The following MARCHF1 variants were observed in gnomAD, a reference collection of about 807,000 sequenced individuals.
MARCHF1 encodes the protein E3 ubiquitin-protein ligase MARCHF1.
Under a neutral mutation model 54.2 loss-of-function variants are expected in MARCHF1, and 40 were observed. The ratio of observed to expected loss-of-function variants is 0.74; its 90% CI spans 0.57 to 0.96. The LOEUF (loss-of-function observed/expected upper bound fraction) is 0.96, where lower values mean the gene tolerates loss of function less well. MARCHF1 is among the 40% of genes least tolerant of loss of function. The pLI is 0.00. For missense variants in MARCHF1, 586 were observed against 656.5 expected, an observed-to-expected ratio of 0.89 and a Z score of 1.17; for synonymous variants, 236 against 236.3, an observed-to-expected ratio of 1.00 and a Z score of 0.01.
chr4:163,668,875 A>G (rs905666422), intron 5 of MARCHF1, among the ~76,000 whole-genome samples: 1 of 152,132 alleles, frequency 6.6e-6, no homozygotes, highest in Admixed American at 6.5e-5. Context: ...AGAAGTCATT[A>G]TTCTCCAGAG....
intron 1 of MARCHF1, chr4:164,188,794 A>G (rs949998207): frequency 2.3e-6 from 2 of 868,894 alleles, no homozygotes; most frequent in African/African-American, 1.6e-5. Context: ...AAACAAAGAC[A>G]TTTGCTCCTG....
intron 3 of MARCHF1, among the ~76,000 whole-genome samples, chr4:163,982,334 C>A (rs1752779731): frequency 6.6e-6 from 1 of 152,204 alleles, no homozygotes; most frequent in African/African-American, 2.4e-5. Context: ...GCTAAAAATG[C>A]ATTTCATTTG....
At chr4:163,891,187 T>C (rs968817432) in intron 3 of MARCHF1, among the ~76,000 whole-genome samples, 5 of 152,110 alleles carry the variant, frequency 3.3e-5, no homozygotes, top group Admixed American at 6.6e-5. Context: ...TGCTTTTATC[T>C]TGGTGGCATA....
At chr4:164,365,645 C>T (rs1045805056) in intron 1 of MARCHF1, among the ~76,000 whole-genome samples, 6 of 151,968 alleles carry the variant, frequency 3.9e-5, no homozygotes, top group African/African-American at 1.4e-4. Context: ...TAGATGTTAT[C>T]ATTCATACTT....
At chr4:164,278,602 A>G (rs1196316647) in intron 1 of MARCHF1, among the ~76,000 whole-genome samples, 4 of 152,232 alleles carry the variant, frequency 2.6e-5, no homozygotes, top group Non-Finnish European at 2.9e-5. Flanking sequence ...CTGTGTGAAT[A>G]TGTTTTTGTA....
chr4:164,047,994 G>T (rs550821446), intron 2 of MARCHF1, among the ~76,000 whole-genome samples: 1 of 152,168 alleles, frequency 6.6e-6, no homozygotes, highest in Non-Finnish European at 1.5e-5. Flanking sequence ...AATTCTCTCA[G>T]AAGTTTATGG....
chr4:164,097,847 T>C (rs78089538), intron 2 of MARCHF1, among the ~76,000 whole-genome samples: 1,572 of 152,278 alleles, frequency 0.01, 21 homozygotes, highest in African/African-American at 0.036. Context: ...TCCCTTTTAT[T>C]TGGAAGGCTA....
chr4:163,700,190 A>G (rs1286442452), intron 5 of MARCHF1, among the ~76,000 whole-genome samples: 1 of 152,218 alleles, frequency 6.6e-6, no homozygotes, highest in East Asian at 1.9e-4. Context: ...GAGAGAAAAA[A>G]CATACTTTAC....
chr4:163,738,469 T>C (rs546825724), intron 4 of MARCHF1, among the ~76,000 whole-genome samples: 2 of 152,338 alleles, frequency 1.3e-5, no homozygotes, highest in South Asian at 2.1e-4. Flanking sequence ...TCTTAGGTGA[T>C]ATGACATGTG....
intron 1 of MARCHF1, among the ~76,000 whole-genome samples, chr4:164,132,811 A>ATATG (rs1756328497): frequency 1.3e-5 from 2 of 152,054 alleles, no homozygotes; most frequent in African/African-American, 4.8e-5. Context: ...GTGTATGTAT[A>ATATG]TATGTATGTA....
At chr4:164,014,891 T>A (rs1197397666) in intron 2 of MARCHF1, among the ~76,000 whole-genome samples, 1 of 152,164 alleles carries the variant, frequency 6.6e-6, no homozygotes, top group African/African-American at 2.4e-5. Context: ...GCAAATATTA[T>A]TAGAGCTAAA....
chr4:164,231,527 G>C (rs1170442763), intron 1 of MARCHF1, among the ~76,000 whole-genome samples: 2 of 151,998 alleles, frequency 1.3e-5, no homozygotes, highest in Non-Finnish European at 2.9e-5. Flanking sequence ...TTTAATTTTA[G>C]CAGAGATGTG....
chr4:163,700,515 T>TAGAA (rs1355656461), intron 5 of MARCHF1, among the ~76,000 whole-genome samples: 2 of 88,530 alleles, frequency 2.3e-5, no homozygotes, highest in Non-Finnish European at 4.7e-5. Flanking sequence ...AAAAGATAGA[T>TAGAA]AGAAAGAAAG....
intron 5 of MARCHF1, among the ~76,000 whole-genome samples, chr4:163,688,943 G>A (rs1744356188): frequency 6.6e-6 from 1 of 152,148 alleles, no homozygotes; most frequent in Non-Finnish European, 1.5e-5. Context: ...AAAAGCAACT[G>A]TAATTGCAAG....
intron 5 of MARCHF1, among the ~76,000 whole-genome samples, chr4:163,628,487 C>T (rs1195350841): frequency 2.0e-5 from 3 of 152,150 alleles, no homozygotes; most frequent in Non-Finnish European, 2.9e-5. Context: ...AAAACTGGTA[C>T]AAGACAAGGA....
At position 164,003,252 on chromosome 4, in the gene MARCHF1, C is replaced by A. The variant is rs370787415; in HGVS notation, c.-247-14543G>T. Among the ~76,000 whole-genome samples, 7 of 150,782 alleles carry A rather than the reference C, an allele frequency of 4.6e-5. No homozygotes were observed. The East Asian group carries it at 1.4e-3, about 29-fold the overall frequency. ...ATACAATTAAATTCTAAATGTAATC[C>A]AAAATAAGTCATGAAGAAGTAGAAA... On this transcript the variant is annotated intron_variant, in intron 2 of 9. Coordinates refer to ENST00000514618, the MANE Select transcript of MARCHF1 (RefSeq NM_001394959.1).
chr4:163,721,672 T>G (rs1249681715), intron 4 of MARCHF1, among the ~76,000 whole-genome samples: 1 of 152,080 alleles, frequency 6.6e-6, no homozygotes, highest in African/African-American at 2.4e-5. Flanking sequence ...ACTTTCTTTG[T>G]TTGGTAGGCT....
intron 1 of MARCHF1, among the ~76,000 whole-genome samples, chr4:164,195,005 C>A (rs917182753): frequency 6.6e-6 from 1 of 151,840 alleles, no homozygotes; most frequent in Non-Finnish European, 1.5e-5. Flanking sequence ...TGATGTTCCC[C>A]GCCCTGTATC....
At chr4:163,718,942 C>T (rs1253386338) in intron 4 of MARCHF1, among the ~76,000 whole-genome samples, 2 of 152,182 alleles carry the variant, frequency 1.3e-5, no homozygotes, top group Non-Finnish European at 2.9e-5. Context: ...GCCAAGATCA[C>T]TTTCTACATG....
Sources: gnomAD v4.1 joint callset for allele counts (sites outside exome capture counted in the v4.1 genomes callset) on GRCh38, gnomAD v4.1.1 for gene constraint, MANE v1.5 for transcripts, NCBI Gene and HGNC (gene_info 2026-07-23, HGNC 2026-07-21) for gene names.